The following FAF1 variants were observed in gnomAD, a reference collection of about 807,000 sequenced individuals.
FAF1 encodes the protein FAS-associated factor 1.
A neutral mutation model predicts 92.5 loss-of-function variants in FAF1; 25 were observed. That is an observed-to-expected ratio of 0.27 (90% CI 0.20 to 0.38). FAF1 has a LOEUF of 0.38. Ranked by LOEUF, FAF1 falls within the 10% of genes least tolerant of loss-of-function variation. The pLI is 1.00. For missense variants in FAF1, 636 were observed against 793.3 expected, an observed-to-expected ratio of 0.80 and a Z score of 2.38; for synonymous variants, 234 against 273.2, an observed-to-expected ratio of 0.86 and a Z score of 1.42.
intron 6 of FAF1, among the ~76,000 whole-genome samples, chr1:50,738,113 C>T (rs1370236679): frequency 6.6e-6 from 1 of 152,070 alleles, no homozygotes; most frequent in African/African-American, 2.4e-5. Flanking sequence ...ACTGAAAAAA[C>T]AATGAGACCC....
chr1:50,805,217 A>G (rs1662145968), intron 2 of FAF1, among the ~76,000 whole-genome samples: 1 of 152,208 alleles, frequency 6.6e-6, no homozygotes, highest in South Asian at 2.1e-4. Flanking sequence ...TATTTTAAGA[A>G]GAACATCTTG....
At chr1:50,760,737 A>G (rs1373718758) in intron 4 of FAF1, among the ~76,000 whole-genome samples, 1 of 152,222 alleles carries the variant, frequency 6.6e-6, no homozygotes, top group Non-Finnish European at 1.5e-5. Flanking sequence ...AGAAAGCTGG[A>G]AAGATCCAAA....
At chr1:50,812,365 A>G (rs1643924264) in intron 2 of FAF1, among the ~76,000 whole-genome samples, 1 of 152,212 alleles carries the variant, frequency 6.6e-6, no homozygotes, top group African/African-American at 2.4e-5. Context: ...AGAAACTTAA[A>G]CAACTTAATG....
At chr1:50,854,911 G>A (rs542377978) in intron 2 of FAF1, among the ~76,000 whole-genome samples, 2 of 151,582 alleles carry the variant, frequency 1.3e-5, no homozygotes, top group African/African-American at 2.4e-5. Context: ...GGAAATGCTC[G>A]ATGGAACATT....
intron 4 of FAF1, among the ~76,000 whole-genome samples, chr1:50,781,486 GA>G (rs929589479): frequency 2.0e-5 from 3 of 152,092 alleles, no homozygotes; most frequent in Non-Finnish European, 4.4e-5. Context: ...ATCCAATACT[GA>G]AGTACCCAAA....
chr1:50,514,505 C>A, intron 15 of FAF1, among the ~76,000 whole-genome samples: 1 of 152,230 alleles, frequency 6.6e-6, no homozygotes, highest in South Asian at 2.1e-4. Context: ...TGTTAGACTA[C>A]CTGGTTATTT....
intron 7 of FAF1, among the ~76,000 whole-genome samples, chr1:50,675,015 C>G (rs528243421): frequency 3.8e-4 from 58 of 152,186 alleles, no homozygotes; most frequent in African/African-American, 1.2e-3. Context: ...CTCAGCCTCC[C>G]AAGTAGCAGG....
At chr1:50,905,027 C>T (rs1644824774) in intron 1 of FAF1, among the ~76,000 whole-genome samples, 1 of 152,054 alleles carries the variant, frequency 6.6e-6, no homozygotes, top group African/African-American at 2.4e-5. Context: ...CTAATGCTAT[C>T]CCAACACCAG....
chr1:50,467,152 C>G (rs999959625), intron 18 of FAF1, among the ~76,000 whole-genome samples: 2 of 151,812 alleles, frequency 1.3e-5, no homozygotes, highest in African/African-American at 4.8e-5. Context: ...GAGTGGCTGG[C>G]AAAATAAAAC....
intron 15 of FAF1, among the ~76,000 whole-genome samples, chr1:50,524,299 G>A (rs763642879): frequency 1.2e-4 from 18 of 152,178 alleles, no homozygotes; most frequent in Admixed American, 2.6e-4. Context: ...TCTGTCAGAT[G>A]TACAGTTTGC....
intron 1 of FAF1, among the ~76,000 whole-genome samples, chr1:50,908,775 C>T (rs970688599): frequency 1.3e-5 from 2 of 152,220 alleles, no homozygotes; most frequent in Non-Finnish European, 2.9e-5. Context: ...TGTCTCTGCA[C>T]ATGAGATGGG....
At chr1:50,717,987 CTTTATTTATTTA>C (rs67168626) in intron 6 of FAF1, among the ~76,000 whole-genome samples, 2,963 of 138,960 alleles carry the variant, frequency 0.021, 68 homozygotes, top group African/African-American at 0.061. Context: ...AAATACAATC[CTTTATTTATTTA>C]TTTATTTATT....
chr1:50,585,972 G>C (rs1651213490), intron 9 of FAF1, among the ~76,000 whole-genome samples: 1 of 151,148 alleles, frequency 6.6e-6, no homozygotes, highest in Admixed American at 6.6e-5. Flanking sequence ...AGGATCACTT[G>C]AGCCCACGAG....
At chr1:50,652,355 A>G (rs1654906415) in intron 8 of FAF1, among the ~76,000 whole-genome samples, 1 of 152,210 alleles carries the variant, frequency 6.6e-6, no homozygotes, top group Non-Finnish European at 1.5e-5. Flanking sequence ...AACTCAATTC[A>G]ATGAATTAGC....
chr1:50,559,218 T>C (rs1476224348), intron 13 of FAF1, among the ~76,000 whole-genome samples: 1 of 149,972 alleles, frequency 6.7e-6, no homozygotes, highest in Non-Finnish European at 1.5e-5. Flanking sequence ...ACCAATGCAC[T>C]CCAGCCTAGG....
At chr1:50,690,754 T>C (rs2124391470) in intron 7 of FAF1, among the ~76,000 whole-genome samples, 1 of 152,346 alleles carries the variant, frequency 6.6e-6, no homozygotes, top group Non-Finnish European at 1.5e-5. Flanking sequence ...TAGCAACCAT[T>C]AACTATTTTC....
intron 16 of FAF1, 60 bp downstream of exon 16, chr1:50,491,661 T>C (rs755523618): frequency 5.0e-5 from 60 of 1,200,314 alleles, no homozygotes; most frequent in Non-Finnish European, 7.2e-5. Context: ...GTGATAAAGG[T>C]TGGCATTTAA....
chr1:50,920,757 T>G (rs993778278), intron 1 of FAF1, among the ~76,000 whole-genome samples: 2 of 152,108 alleles, frequency 1.3e-5, no homozygotes, highest in Non-Finnish European at 2.9e-5. Flanking sequence ...TAGAAAGCAA[T>G]TTCCTTTATC....
intron 8 of FAF1, among the ~76,000 whole-genome samples, chr1:50,623,825 C>A (rs1384753506): frequency 2.0e-5 from 3 of 151,768 alleles, no homozygotes; most frequent in Non-Finnish European, 4.4e-5. Flanking sequence ...CGCCTGTAGT[C>A]ACAACTACCC....
Sources: gnomAD v4.1 joint callset for allele counts (sites outside exome capture counted in the v4.1 genomes callset) on GRCh38, gnomAD v4.1.1 for gene constraint, MANE v1.5 for transcripts, NCBI Gene and HGNC (gene_info 2026-07-23, HGNC 2026-07-21) for gene names.